The following RBM39 variants were observed in gnomAD, a reference collection of about 807,000 sequenced individuals.
RBM39 encodes RNA-binding protein 39.
RBM39 carries 12 observed loss-of-function variants against 79.6 expected under a neutral mutation model. That is an observed-to-expected ratio of 0.15 (90% confidence interval 0.10 to 0.24). The LOEUF (loss-of-function observed/expected upper bound fraction) is 0.24, where lower values mean the gene tolerates loss of function less well. Ranked by LOEUF, RBM39 falls within the 10% of genes least tolerant of loss-of-function variation. The pLI, the probability that RBM39 is intolerant of heterozygous loss-of-function variation, is 1.00. For synonymous variants in RBM39, 185 were observed against 208.4 expected (o/e 0.89, Z 0.97); for missense variants, 243 against 653.4 (o/e 0.37, Z 6.85).
intron 8 of RBM39, among the ~76,000 whole-genome samples, chr20:35,723,634 C>T (rs2038276757): frequency 2.0e-5 from 3 of 152,160 alleles, no homozygotes; most frequent in Admixed American, 6.6e-5. Context: ...GACAAGGTTT[C>T]ACCATGTTGG....
At chr20:35,717,332 C>A (rs1183402875) in intron 9 of RBM39, among the ~76,000 whole-genome samples, 2 of 150,054 alleles carry the variant, frequency 1.3e-5, no homozygotes, top group Admixed American at 6.7e-5. Context: ...ACTTCCCAAG[C>A]GAGAAATTAT....
At chr20:35,722,407 A>G (rs1172738783) in intron 8 of RBM39, among the ~76,000 whole-genome samples, 1 of 128,110 alleles carries the variant, frequency 7.8e-6, no homozygotes, top group Non-Finnish European at 1.6e-5. Context: ...ACTCAGTCTC[A>G]AAAAAAATAA....
intron 3 of RBM39, chr20:35,736,519 C>T (rs2146724841): frequency 2.1e-6 from 1 of 467,296 alleles, no homozygotes; most frequent in East Asian, 7.0e-5. Context: ...CTACCTAACA[C>T]AGTTGTAGTG....
chr20:35,713,260 G>A, intron 11 of RBM39, 164 bp from the exon 12 acceptor site: 1 of 531,876 alleles, frequency 1.9e-6, no homozygotes, highest in Non-Finnish European at 3.3e-6. Flanking sequence ...GCCAAGGGAG[G>A]TGGTTCACTT....
intron 10 of RBM39, 59 bp from the exon 11 acceptor site, chr20:35,714,448 A>ATAC: frequency 6.8e-7 from 1 of 1,474,308 alleles, no homozygotes; most frequent in South Asian, 1.4e-5. Flanking sequence ...AATACAAACT[A>ATAC]TACTTAAAAA....
intron 9 of RBM39, among the ~76,000 whole-genome samples, chr20:35,717,091 C>T (rs986446528): frequency 6.6e-6 from 1 of 152,006 alleles, no homozygotes; most frequent in African/African-American, 2.4e-5. Flanking sequence ...ACCAGCCTGG[C>T]CAACATGACG....
chr20:35,711,651 GAAC>G (rs1330235023), intron 12 of RBM39, among the ~76,000 whole-genome samples: 1 of 152,044 alleles, frequency 6.6e-6, no homozygotes, highest in African/African-American at 2.4e-5. Flanking sequence ...ACACACTTAA[GAAC>G]AACCACTAAG....
At chr20:35,705,148 A>G in intron 15 of RBM39, 77 bp downstream of exon 15, 2 of 848,338 alleles carry the variant, frequency 2.4e-6, no homozygotes, top group Admixed American at 5.9e-5. Context: ...GTTAACCATA[A>G]CATGCACCAC....
chr20:35,704,024 A>C lies in RBM39; in HGVS notation c.*457T>G, dbSNP rs574614842. ...CAGAATGCAAGATGAGATGCTAACC[A>C]AACAGCCCTTTAGCTGTCTTGTATT... On this transcript the variant is annotated 3_prime_UTR_variant, in exon 17 of 17. Transcript: ENST00000253363. The C allele has an allele frequency of 6.5e-6, 1 of 154,044 alleles. No individual in the cohort carries two copies. The highest frequency in any genetic ancestry group is 2.0e-4 in the South Asian group (1 of 4,970). 9.5% of individuals were successfully genotyped at this position (154,044 alleles called of 1,614,324 possible).
Position 35,716,818 on chromosome 20 carries a change from AG to A in RBM39, c.826-14del. On this transcript the variant is annotated splice_polypyrimidine_tract_variant and intron_variant, in intron 9 of 16. Coordinates refer to ENST00000253363, the MANE Select transcript of RBM39 (RefSeq NM_184234.3). ...GGATACTTTCAATCTATAATTGAAA[AG>A]CATAATTACTATAACTTAAAAGCAG... 6.4e-7 allele frequency: 1 copy of A among 1,572,630 alleles called. No individual in the cohort carries two copies. The highest frequency in any genetic ancestry group is 1.4e-5 in the African/African-American group (1 of 73,792).
intron 6 of RBM39, among the ~76,000 whole-genome samples, chr20:35,728,386 CG>C (rs750599513): frequency 8.9e-4 from 135 of 152,188 alleles, no homozygotes; most frequent in Non-Finnish European, 4.0e-4. Context: ...TGTATCAAAA[CG>C]TAACTGTATT....
At chr20:35,739,742 C>G (rs978470995) in intron 2 of RBM39, 1 of 309,320 alleles carries the variant, frequency 3.2e-6, no homozygotes, top group Non-Finnish European at 6.4e-6. Context: ...CTTCAAGAGT[C>G]TAAGCATTAC....
At chr20:35,712,435 CAAAA>C (rs765974114) in intron 12 of RBM39, among the ~76,000 whole-genome samples, 139 of 32,808 alleles carry the variant, frequency 4.2e-3, no homozygotes, top group African/African-American at 0.014. Flanking sequence ...TACTGTTATC[CAAAA>C]AAAAAAAAAA....
At position 35,703,263 on chromosome 20, in the gene RBM39, G is replaced by A. The variant is rs181345992; in HGVS notation, c.*1218C>T. 180 of 152,182 alleles carry A rather than the reference G, an allele frequency of 1.2e-3. 1 individual carries two copies. The highest frequency in any genetic ancestry group is 4.2e-3 in the African/African-American group (173 of 41,518). The allele number at this position is 152,182 out of a possible 1,614,324, so 9.4% of individuals were successfully genotyped here. A position where few individuals can be genotyped will look rare whatever the true frequency, so the allele number is the denominator to read the frequency against. ...TATATTAATATATAAATCAATTTTG[G>A]AAACCAGTTTGAAGTTAAGCCATTT... On this transcript the variant is annotated 3_prime_UTR_variant, in exon 17 of 17. Coordinates refer to ENST00000253363, the MANE Select transcript of RBM39 (RefSeq NM_184234.3).
intron 3 of RBM39, chr20:35,736,615 C>G (rs1209660079): frequency 2.1e-6 from 1 of 467,150 alleles, no homozygotes; most frequent in African/African-American, 2.0e-5. Flanking sequence ...GGCTATTTTT[C>G]TCTCGTTTTT....
At chr20:35,719,453 A>C (rs1178931011) in intron 9 of RBM39, among the ~76,000 whole-genome samples, 1 of 152,100 alleles carries the variant, frequency 6.6e-6, no homozygotes, top group Non-Finnish European at 1.5e-5. Context: ...TGTAATGACA[A>C]CACTTTGGGA....
chr20:35,740,988 G>A (rs2040436187), intron 1 of RBM39, 101 bp from the exon 2 acceptor site: 1 of 485,540 alleles, frequency 2.1e-6, no homozygotes, highest in East Asian at 5.8e-5. Flanking sequence ...TTCTCTAAAC[G>A]CCTAGGAAAA....
chr20:35,718,432 G>T (rs1156553752), intron 9 of RBM39, among the ~76,000 whole-genome samples: 1 of 152,064 alleles, frequency 6.6e-6, no homozygotes, highest in Admixed American at 6.6e-5. Context: ...CCCACCTGTA[G>T]GTGTGAGCTG....
At chr20:35,714,842 A>G (rs976345627) in intron 10 of RBM39, among the ~76,000 whole-genome samples, 1 of 152,226 alleles carries the variant, frequency 6.6e-6, no homozygotes, top group African/African-American at 2.4e-5. Context: ...AAATAAATAC[A>G]TAACTTGATA....
Sources: gnomAD v4.1 joint callset for allele counts (sites outside exome capture counted in the v4.1 genomes callset) on GRCh38, gnomAD v4.1.1 for gene constraint, MANE v1.5 for transcripts, NCBI Gene and HGNC (gene_info 2026-07-23, HGNC 2026-07-21) for gene names.